The following ARHGAP32 variants were observed in gnomAD, a reference collection of about 807,000 sequenced individuals.
ARHGAP32 encodes the protein Rho GTPase activating protein 32, also known as rho GTPase-activating protein 32.
ARHGAP32 carries 51 observed loss-of-function variants against 186.5 expected under a neutral mutation model. The observed-to-expected ratio is 0.27, with a 90% CI of 0.22 to 0.35. The LOEUF (loss-of-function observed/expected upper bound fraction) is 0.35. Among genes scored for constraint, ARHGAP32 ranks in the 10% least tolerant of loss-of-function variants. The probability of loss-of-function intolerance (pLI) is 1.00; values close to 1 mark genes in which losing one functional copy is unlikely to be tolerated. For synonymous variants in ARHGAP32, 950 were observed against 964.3 expected (o/e 0.99, Z 0.27); for missense variants, 2,186 against 2,623.5 (o/e 0.83, Z 3.64).
rs1250548838 is a variant in ARHGAP32, at chr11:128,968,439, T to C, written c.*468A>G. On this transcript the variant is annotated 3_prime_UTR_variant, in exon 23 of 23. Coordinates refer to ENST00000682385, the MANE Select transcript of ARHGAP32 (RefSeq NM_001378024.1). ...CGGGGAGAATGAAGTGACAACAGTGTGTCGATCTGCGCAAGTTGTGCAGCT... is the reference window on the plus strand; with the variant it reads ...CGGGGAGAATGAAGTGACAACAGTGCGTCGATCTGCGCAAGTTGTGCAGCT... The C allele has an allele frequency of 6.6e-6, 1 of 152,480 alleles. No individual in the cohort carries two copies. The highest frequency in any genetic ancestry group is 1.5e-5 in the Non-Finnish European group (1 of 68,210). 9.4% of individuals were successfully genotyped at this position (152,480 alleles called of 1,614,324 possible). A position where few individuals can be genotyped will look rare whatever the true frequency, so the allele number is the denominator to read the frequency against.
intron 1 of ARHGAP32, among the ~76,000 whole-genome samples, chr11:129,211,088 C>T (rs1447666420): frequency 6.6e-6 from 1 of 152,160 alleles, no homozygotes; most frequent in Non-Finnish European, 1.5e-5. Context: ...ACCTTCAATG[C>T]ATCCCTTTCC....
chr11:129,075,134 T>C (rs112893804), intron 6 of ARHGAP32, among the ~76,000 whole-genome samples: 1,974 of 152,198 alleles, frequency 0.013, 40 homozygotes, highest in South Asian at 0.045. Context: ...ACAGCAACAA[T>C]GACAGGCAGA....
intron 1 of ARHGAP32, among the ~76,000 whole-genome samples, chr11:129,178,679 A>C (rs1285959140): frequency 2.6e-5 from 4 of 152,352 alleles, no homozygotes; most frequent in African/African-American, 7.2e-5. Context: ...CCTGAGAAGA[A>C]CAAGCAATGG....
chr11:129,145,537 T>C (rs1943151032), intron 2 of ARHGAP32, among the ~76,000 whole-genome samples: 1 of 152,080 alleles, frequency 6.6e-6, no homozygotes. Flanking sequence ...CTTGAATATC[T>C]TGTAAGTTTT....
intron 1 of ARHGAP32, among the ~76,000 whole-genome samples, chr11:129,198,143 T>A (rs565683259): frequency 1.3e-5 from 2 of 152,336 alleles, no homozygotes; most frequent in African/African-American, 4.8e-5. Context: ...AACTTTCAAC[T>A]GTTCATAGAA....
chr11:128,991,202 C>T (rs1946038327), intron 12 of ARHGAP32, among the ~76,000 whole-genome samples: 1 of 152,014 alleles, frequency 6.6e-6, no homozygotes, highest in Non-Finnish European at 1.5e-5. Context: ...ATAATATGTC[C>T]AAGTCTCTAC....
intron 11 of ARHGAP32, among the ~76,000 whole-genome samples, chr11:129,008,125 G>A (rs1212561749): frequency 1.3e-5 from 2 of 152,140 alleles, no homozygotes; most frequent in Non-Finnish European, 2.9e-5. Flanking sequence ...GGTGATTTAA[G>A]ACTGTTTTTC....
rs1328046638 is a variant in ARHGAP32 at position 128,972,794 on chromosome 11, G to A, written c.3712C>T (p.Leu1238Phe). The part of the protein sequence containing the change: ...PSYLGASVDK[L>F]HHPLEFADKS... ...TCTGCAAATTCTAAAGGGTGATGGA[G>A]TTTATCCACACTTGCACCAAGATAA... The change falls in exon 22 of 23, where the codon CTC becomes TTC. Residue 1238 changes from leucine to phenylalanine, a missense_variant. Leu to Phe is a conservative substitution (Grantham distance 22). Transcript: ENST00000682385. 1.9e-6 allele frequency: 3 copies of A among 1,613,988 alleles called. No individual in the cohort carries two copies. The highest frequency in any genetic ancestry group is 2.5e-6 in the Non-Finnish European group (3 of 1,179,996).
intron 5 of ARHGAP32, among the ~76,000 whole-genome samples, chr11:129,117,106 G>C (rs1018096179): frequency 6.6e-6 from 1 of 151,918 alleles, no homozygotes; most frequent in African/African-American, 2.4e-5. Flanking sequence ...AGATACTCTA[G>C]AACCATCATT....
chr11:129,069,154 G>A (rs765993563), intron 6 of ARHGAP32, among the ~76,000 whole-genome samples: 18 of 151,988 alleles, frequency 1.2e-4, no homozygotes, highest in Non-Finnish European at 2.5e-4. Context: ...GTTTGCCAAT[G>A]TCATTACCAC....
chr11:129,260,840 C>G (rs1945312302), intron 1 of ARHGAP32, among the ~76,000 whole-genome samples: 1 of 152,158 alleles, frequency 6.6e-6, no homozygotes, highest in Non-Finnish European at 1.5e-5. Context: ...ATAAGCATCT[C>G]TGAAATAACT....
intron 20 of ARHGAP32, among the ~76,000 whole-genome samples, chr11:128,976,057 A>T (rs1271201225): frequency 6.8e-6 from 1 of 146,212 alleles, no homozygotes; most frequent in African/African-American, 2.5e-5. Context: ...AAACTGGGCA[A>T]CAAAGCGAGA....
chr11:129,054,039 C>T (rs985008644), intron 10 of ARHGAP32, among the ~76,000 whole-genome samples: 3 of 150,714 alleles, frequency 2.0e-5, no homozygotes, highest in African/African-American at 7.4e-5. Context: ...AACTAAGTTA[C>T]CTGGAGCCAC....
chr11:129,013,162 G>A (rs1938168598), intron 11 of ARHGAP32, among the ~76,000 whole-genome samples: 1 of 152,194 alleles, frequency 6.6e-6, no homozygotes, highest in Non-Finnish European at 1.5e-5. Flanking sequence ...AGTTGCAACA[G>A]AGCATAAAAT....
chr11:128,998,365 C>T lies in ARHGAP32; in HGVS notation c.1149G>A (p.Val383=), dbSNP rs549503838. Residue 383 remains valine (V), a synonymous_variant, in exon 12 of 23, where the codon GTG becomes GTA. Transcript: ENST00000682385. ...LKQRGILKER[V]FGCDLGEHLL... Reference sequence around the variant, plus strand: ...GGTGTTCCCCCAGGTCACAACCAAACACCCTCTCTTTCAAGATTCCCCGCT... The same window carrying T: ...GGTGTTCCCCCAGGTCACAACCAAATACCCTCTCTTTCAAGATTCCCCGCT... 6.3e-7 allele frequency: 1 copy of T among 1,599,596 alleles called. No individual in the cohort carries two copies. The highest frequency in any genetic ancestry group is 2.2e-5 in the East Asian group (1 of 44,620).
chr11:129,154,154 G>A (rs948045873), intron 2 of ARHGAP32, among the ~76,000 whole-genome samples: 4 of 152,072 alleles, frequency 2.6e-5, no homozygotes, highest in Non-Finnish European at 5.9e-5. Context: ...AATTATCAGG[G>A]AAATACAAAT....
At chr11:129,269,557 T>C (rs1047379206) in intron 1 of ARHGAP32, among the ~76,000 whole-genome samples, 9 of 151,862 alleles carry the variant, frequency 5.9e-5, no homozygotes, top group Non-Finnish European at 1.2e-4. Flanking sequence ...AGAGACTTCG[T>C]CTCTACAAAA....
intron 10 of ARHGAP32, among the ~76,000 whole-genome samples, chr11:129,046,803 C>CGTTA (rs1939824939): frequency 6.6e-6 from 1 of 151,990 alleles, no homozygotes. Flanking sequence ...TTCAGCATAA[C>CGTTA]GATCATGTGC....
At chr11:128,985,850 GTGTGTGTGTATA>G (rs1237466734) in intron 15 of ARHGAP32, 141 bp downstream of exon 15, 3 of 130,334 alleles carry the variant, frequency 2.3e-5, no homozygotes, top group Admixed American at 9.3e-5. Flanking sequence ...GTGTGTGTGT[GTGTGTGTGTATA>G]TATATATATA....
Sources: gnomAD v4.1 joint callset for allele counts (sites outside exome capture counted in the v4.1 genomes callset) on GRCh38, gnomAD v4.1.1 for gene constraint, MANE v1.5 for transcripts, NCBI Gene and HGNC (gene_info 2026-07-23, HGNC 2026-07-21) for gene names.